LOC400499: variants seen among roughly 807,000 people sequenced by gnomAD.
the LOC400499 span, among the ~76,000 whole-genome samples, chr16:11,461,958 G>A: frequency 2.2e-3 from 339 of 152,324 alleles, 4 homozygotes; most frequent in African/African-American, 7.8e-3. Flanking sequence ...TGGAGGTTGG[G>A]GGAGGTTCTG....
At chr16:11,457,001 G>A in the LOC400499 span, 75 of 1,535,004 alleles carry the variant, frequency 4.9e-5, no homozygotes, top group African/African-American at 7.7e-4. Context: ...AAAGCTGCAC[G>A]CGGCAATCCA....
At chr16:11,446,404 C>T in the LOC400499 span, 1 of 700,708 alleles carries the variant, frequency 1.4e-6, no homozygotes, top group Non-Finnish European at 2.4e-6. Context: ...GCGATCTTCT[C>T]ACCTCAGCCT....
chr16:11,444,057 T>G, the LOC400499 span, among the ~76,000 whole-genome samples: 1 of 151,884 alleles, frequency 6.6e-6, no homozygotes, highest in Non-Finnish European at 1.5e-5. Context: ...GCCAGGCTGG[T>G]CTCGAACACC....
chr16:11,518,676 C>T, the LOC400499 span, among the ~76,000 whole-genome samples: 2 of 152,114 alleles, frequency 1.3e-5, no homozygotes, highest in South Asian at 2.1e-4. Flanking sequence ...GAAGGCAGCC[C>T]CCCAGCGGTC....
At chr16:11,503,080 C>T in the LOC400499 span, among the ~76,000 whole-genome samples, 2 of 151,718 alleles carry the variant, frequency 1.3e-5, no homozygotes, top group South Asian at 4.2e-4. Flanking sequence ...CATCACCACG[C>T]TCAGCTAATT....
At chr16:11,401,333 T>C in the LOC400499 span, 4 of 398,972 alleles carry the variant, frequency 1.0e-5, no homozygotes, top group African/African-American at 4.1e-5. Context: ...CCAAGGGAGG[T>C]TGAATGGGTG....
At chr16:11,415,608 G>A in the LOC400499 span, among the ~76,000 whole-genome samples, 1 of 152,280 alleles carries the variant, frequency 6.6e-6, no homozygotes, top group South Asian at 2.1e-4. Flanking sequence ...GGCACAAGGA[G>A]ACAGGGGACA....
the LOC400499 span, chr16:11,456,804 C>T: frequency 6.6e-7 from 1 of 1,526,296 alleles, no homozygotes; most frequent in Non-Finnish European, 8.8e-7. Context: ...GAGCAAAGGC[C>T]TGGAGATCAG....
chr16:11,473,341 C>G, the LOC400499 span, among the ~76,000 whole-genome samples: 1 of 147,808 alleles, frequency 6.8e-6, no homozygotes, highest in Admixed American at 6.8e-5. Flanking sequence ...CAACCTTACT[C>G]TAAAAAAAAA....
chr16:11,482,036 G>C, the LOC400499 span, among the ~76,000 whole-genome samples: 1 of 152,152 alleles, frequency 6.6e-6, no homozygotes, highest in African/African-American at 2.4e-5. Context: ...TTTACAAAAG[G>C]AACTGGATGT....
At chr16:11,464,661 G>A in the LOC400499 span, among the ~76,000 whole-genome samples, 2 of 152,208 alleles carry the variant, frequency 1.3e-5, no homozygotes, top group Non-Finnish European at 2.9e-5. Flanking sequence ...CAGAGGACTT[G>A]AAGGGGGGAC....
chr16:11,424,541 G>C, the LOC400499 span, among the ~76,000 whole-genome samples: 6 of 152,240 alleles, frequency 3.9e-5, no homozygotes, highest in African/African-American at 1.4e-4. Context: ...ACTGTCCACA[G>C]TTCACAGAAA....
At chr16:11,515,845 GGCCCGGCCCAGCCCAGCCCA>G in the LOC400499 span, 9 of 68,270 alleles carry the variant, frequency 1.3e-4, no homozygotes, top group Non-Finnish European at 3.2e-4. Context: ...AGCAGTCAGG[GGCCCGGCCCAGCCCAGCCCA>G]GCCCAGCCCA....
At chr16:11,512,169 C>G in the LOC400499 span, among the ~76,000 whole-genome samples, 1 of 152,032 alleles carries the variant, frequency 6.6e-6, no homozygotes, top group Non-Finnish European at 1.5e-5. Context: ...GTAATCTCAG[C>G]TACTCAGGAG....
chr16:11,396,465 C>G, the LOC400499 span: 1 of 1,231,566 alleles, frequency 8.1e-7, no homozygotes, highest in Non-Finnish European at 1.0e-6. Context: ...GCAGGGATGC[C>G]GGGATATCTT....
the LOC400499 span, among the ~76,000 whole-genome samples, chr16:11,414,715 G>A: frequency 6.6e-6 from 1 of 152,234 alleles, no homozygotes; most frequent in Non-Finnish European, 1.5e-5. Flanking sequence ...TTGTCCCTGA[G>A]GATCCAGGCC....
At chr16:11,425,395 A>G in the LOC400499 span, 17 of 399,208 alleles carry the variant, frequency 4.3e-5, no homozygotes, top group South Asian at 1.4e-3. Flanking sequence ...CGCAGGAGGA[A>G]GCCCAGCACA....
At chr16:11,422,444 A>G in the LOC400499 span, among the ~76,000 whole-genome samples, 3 of 152,196 alleles carry the variant, frequency 2.0e-5, no homozygotes, top group Admixed American at 2.0e-4. Context: ...ACGGAACGGA[A>G]AGGAAAGGAA....
At chr16:11,440,900 G>T in the LOC400499 span, 2 of 398,974 alleles carry the variant, frequency 5.0e-6, no homozygotes, top group Non-Finnish European at 8.8e-6. Flanking sequence ...TCTGGGTGGA[G>T]GGCACAAACC....
Sources: gnomAD v4.1 joint callset for allele counts (sites outside exome capture counted in the v4.1 genomes callset) on GRCh38, gnomAD v4.1.1 for gene constraint, MANE v1.5 for transcripts.